TAF2: variants seen among roughly 807,000 people sequenced by gnomAD.
TAF2 encodes transcription initiation factor TFIID subunit 2.
A neutral mutation model predicts 138.5 loss-of-function variants in TAF2; 61 were observed. The observed-to-expected ratio is 0.44, with a 90% CI of 0.36 to 0.54. TAF2 has a LOEUF of 0.54. Among genes scored for constraint, TAF2 ranks in the 20% least tolerant of loss-of-function variants. The pLI is 0.00. For missense variants in TAF2, 1,090 were observed against 1,427.9 expected, an observed-to-expected ratio of 0.76 and a Z score of 3.81; for synonymous variants, 475 against 469.9, an observed-to-expected ratio of 1.01 and a Z score of -0.14.
chr8:119,731,926 A>T lies in TAF2; in HGVS notation c.3598T>A (p.Ter1200ArgextTer41). Residue 1200 changes from the stop codon to arginine (R), a stop_lost, in exon 26 of 26, where the codon TGA (stop) becomes AGA (arginine). Coordinates refer to ENST00000378164, the MANE Select transcript of TAF2 (RefSeq NM_003184.4). ...GGAAAGGTCTTTTTGTCCCCTTCTC[A>T]GTCTGAAAGGGAAGGAGAACGAATA... is the stretch of plus-strand genomic sequence containing the variant. ...RSIRSPSLSD[*>R] 5 of 1,613,914 alleles carry T rather than the reference A, an allele frequency of 3.1e-6. No homozygotes were observed. Among genetic ancestry groups the T allele is most frequent in the Non-Finnish European group, 4.2e-6 (5 of 1,179,770 alleles).
chr8:119,783,405 C>T lies in TAF2; in HGVS notation c.2088G>A (p.Met696Ile), dbSNP rs768831839. Residue 696 changes from methionine (M) to isoleucine (I), a missense_variant, in exon 16 of 26, where the codon ATG (methionine) becomes ATA (isoleucine). Met to Ile is a conservative substitution (Grantham distance 10, BLOSUM62 1). Coordinates refer to ENST00000378164, the MANE Select transcript of TAF2 (RefSeq NM_003184.4). ...CCTTTGCAAGACAGAAGCAAGCTGACATTCTTACTCTGTAGAAACACTGCT... is the reference window on the plus strand; with the variant it reads ...CCTTTGCAAGACAGAAGCAAGCTGATATTCTTACTCTGTAGAAACACTGCT... ...EQEQCFYRVR[M>I]SACFCLAKIA... The T allele has an allele frequency of 5.0e-6, 8 of 1,614,118 alleles. No individual in the cohort carries two copies. Among genetic ancestry groups the T allele is most frequent in the Middle Eastern group, 1.6e-4 (1 of 6,062 alleles).
intron 17 of TAF2, among the ~76,000 whole-genome samples, chr8:119,778,513 A>G (rs1822418241): frequency 6.6e-6 from 1 of 152,240 alleles, no homozygotes; most frequent in African/African-American, 2.4e-5. Flanking sequence ...TTTTAGCATT[A>G]GATGGACCAT....
At chr8:119,820,717 C>G (rs1329275338) in intron 2 of TAF2, among the ~76,000 whole-genome samples, 1 of 152,130 alleles carries the variant, frequency 6.6e-6, no homozygotes, top group African/African-American at 2.4e-5. Context: ...TCCAACCGCT[C>G]AAGAAAGCCT....
chr8:119,744,600 C>T (rs1158158539), intron 23 of TAF2: 1 of 581,708 alleles, frequency 1.7e-6, no homozygotes, highest in Non-Finnish European at 3.0e-6. Context: ...TTAGAAATTA[C>T]TGGAAATGTA....
chr8:119,811,148 C>G (rs747890321), intron 3 of TAF2, among the ~76,000 whole-genome samples: 49 of 152,094 alleles, frequency 3.2e-4, no homozygotes, highest in South Asian at 1.2e-3. Context: ...TACAGAAATG[C>G]AACTTAAAGA....
intron 2 of TAF2, among the ~76,000 whole-genome samples, chr8:119,830,528 TATATAAG>T (rs1397341754): frequency 1.3e-5 from 2 of 152,168 alleles, no homozygotes; most frequent in Admixed American, 1.3e-4. Context: ...AGTATCCTAC[TATATAAG>T]ATATAAGGTA....
chr8:119,782,236 T>C (rs1390046585), intron 16 of TAF2, among the ~76,000 whole-genome samples: 2 of 152,224 alleles, frequency 1.3e-5, no homozygotes, highest in Admixed American at 6.5e-5. Flanking sequence ...TTTAAGGCTG[T>C]AAGCATGCTT....
chr8:119,802,592 T>A (rs549131313), intron 5 of TAF2, among the ~76,000 whole-genome samples: 1 of 152,272 alleles, frequency 6.6e-6, no homozygotes, highest in East Asian at 1.9e-4. Context: ...TAAGACATTA[T>A]CCCTGGTTTA....
chr8:119,750,591 G>GTA (rs1234464713), intron 22 of TAF2, among the ~76,000 whole-genome samples: 13 of 152,050 alleles, frequency 8.5e-5, no homozygotes, highest in East Asian at 1.9e-4. Context: ...GTGTGTGTGT[G>GTA]TATATATATA....
chr8:119,800,509 G>C (rs1236967146), intron 6 of TAF2, among the ~76,000 whole-genome samples: 2 of 152,264 alleles, frequency 1.3e-5, no homozygotes, highest in African/African-American at 4.8e-5. Flanking sequence ...CTATATCTCT[G>C]TTTTGGTACC....
chr8:119,798,846 T>A (rs961515857), intron 6 of TAF2, among the ~76,000 whole-genome samples: 1 of 152,144 alleles, frequency 6.6e-6, no homozygotes, highest in African/African-American at 2.4e-5. Flanking sequence ...TTACTAATAA[T>A]CAGGGCCCAA....
At chr8:119,780,808 G>A (rs938765706) in intron 17 of TAF2, among the ~76,000 whole-genome samples, 7 of 151,750 alleles carry the variant, frequency 4.6e-5, no homozygotes, top group Non-Finnish European at 7.4e-5. Flanking sequence ...GGTGGTGAGC[G>A]CCTGTAGTCC....
rs369545712 is a variant in TAF2, at chr8:119,823,383, C to T, written c.139-3877G>A. On this transcript the variant is annotated intron_variant, in intron 2 of 25. Coordinates refer to ENST00000378164, the MANE Select transcript of TAF2 (RefSeq NM_003184.4). ...TTGTGGGAGACCTGGTGGAAGGTAACTTAATCATGAGGGCAAGTCTTTCCA... is the reference window on the plus strand; with the variant it reads ...TTGTGGGAGACCTGGTGGAAGGTAATTTAATCATGAGGGCAAGTCTTTCCA... 1.1e-4 allele frequency among the ~76,000 whole-genome samples: 16 copies of T among 152,156 alleles called. No individual in the cohort carries two copies. In the East Asian group the frequency reaches 3.1e-3, roughly 29 times the overall value.
chr8:119,770,991 A>G (rs1821793107), intron 18 of TAF2, among the ~76,000 whole-genome samples: 1 of 152,042 alleles, frequency 6.6e-6, no homozygotes, highest in Non-Finnish European at 1.5e-5. Context: ...GAACTGCTTG[A>G]ACCTGGGAGG....
At chr8:119,768,965 C>T (rs1383861448) in intron 18 of TAF2, among the ~76,000 whole-genome samples, 1 of 152,152 alleles carries the variant, frequency 6.6e-6, no homozygotes, top group Non-Finnish European at 1.5e-5. Flanking sequence ...AGCCCCAGTA[C>T]AGGAGTGTGA....
intron 2 of TAF2, among the ~76,000 whole-genome samples, chr8:119,829,012 T>TGAG (rs1404189404): frequency 5.3e-5 from 8 of 152,120 alleles, no homozygotes; most frequent in African/African-American, 1.5e-4. Context: ...TACCAACTCT[T>TGAG]TCAGTGGCTC....
chr8:119,764,479 A>G (rs1267026344), intron 18 of TAF2, among the ~76,000 whole-genome samples: 2 of 152,252 alleles, frequency 1.3e-5, no homozygotes, highest in Non-Finnish European at 2.9e-5. Context: ...ACACAAAATC[A>G]TAAATGATGA....
intron 18 of TAF2, among the ~76,000 whole-genome samples, chr8:119,770,901 T>C (rs796190152): frequency 1.3e-5 from 2 of 152,166 alleles, no homozygotes; most frequent in African/African-American, 4.8e-5. Flanking sequence ...TGAAAACCTG[T>C]CTCTACTAAA....
At chr8:119,818,569 G>C (rs993727844) in intron 3 of TAF2, among the ~76,000 whole-genome samples, 1 of 151,936 alleles carries the variant, frequency 6.6e-6, no homozygotes, top group Non-Finnish European at 1.5e-5. Flanking sequence ...CATTAGAAAT[G>C]AAAAGTAAAA....
Sources: gnomAD v4.1 joint callset for allele counts (sites outside exome capture counted in the v4.1 genomes callset) on GRCh38, gnomAD v4.1.1 for gene constraint, MANE v1.5 for transcripts, NCBI Gene and HGNC (gene_info 2026-07-23, HGNC 2026-07-21) for gene names.